The following RANBP10 variants were observed in gnomAD, a reference collection of about 807,000 sequenced individuals.
RANBP10 encodes ran-binding protein 10.
A neutral mutation model predicts 72.8 loss-of-function variants in RANBP10; 24 were observed. That is an observed-to-expected ratio of 0.33 (90% CI 0.24 to 0.46). RANBP10 has a LOEUF of 0.46. RANBP10 is among the 20% of genes least tolerant of loss of function. The pLI, the probability that RANBP10 is intolerant of heterozygous loss-of-function variation, is 1.00. For missense variants in RANBP10, 679 were observed against 817.5 expected (o/e 0.83, Z 2.07); for synonymous variants, 310 against 322.3 (o/e 0.96, Z 0.41).
intron 3 of RANBP10, among the ~76,000 whole-genome samples, chr16:67,767,121 G>A (rs1342569436): frequency 6.6e-6 from 1 of 152,140 alleles, no homozygotes; most frequent in Non-Finnish European, 1.5e-5. Context: ...ATGACCAGTA[G>A]CTGGCTTCAG....
intron 3 of RANBP10, among the ~76,000 whole-genome samples, chr16:67,756,737 C>G (rs2054292344): frequency 1.3e-5 from 2 of 151,990 alleles, no homozygotes; most frequent in African/African-American, 4.8e-5. Context: ...AAAAACACCC[C>G]AAAAAGCTAG....
At chr16:67,744,057 G>A (rs746377690) in intron 4 of RANBP10, 271 of 976,352 alleles carry the variant, frequency 2.8e-4, no homozygotes, top group Non-Finnish European at 3.2e-4. Flanking sequence ...CCAGGATACT[G>A]CTGTACTCTC....
chr16:67,727,503 C>G, intron 12 of RANBP10, 65 bp from the exon 13 acceptor site: 1 of 1,489,178 alleles, frequency 6.7e-7, no homozygotes, highest in South Asian at 1.2e-5. Flanking sequence ...CTACCCGTGG[C>G]TCCAGAGGGA....
chr16:67,791,306 C>T (rs1208487191), intron 2 of RANBP10, among the ~76,000 whole-genome samples: 1 of 152,184 alleles, frequency 6.6e-6, no homozygotes, highest in African/African-American at 2.4e-5. Context: ...AGCCACTATG[C>T]CCGGCCCAGT....
At chr16:67,756,675 G>A (rs902382808) in intron 3 of RANBP10, among the ~76,000 whole-genome samples, 1 of 151,850 alleles carries the variant, frequency 6.6e-6, no homozygotes, top group Non-Finnish European at 1.5e-5. Flanking sequence ...TGCACCCCAG[G>A]CTGGGCGAAA....
chr16:67,795,810 G>A (rs995372836), intron 2 of RANBP10, among the ~76,000 whole-genome samples: 2 of 151,372 alleles, frequency 1.3e-5, no homozygotes, highest in Admixed American at 6.6e-5. Context: ...AGCTGAGATC[G>A]CACCACTGCA....
At position 67,796,372 on chromosome 16, in the gene RANBP10, C is replaced by A. The variant is rs1278434649; in HGVS notation, c.347+9056G>T. ...GAATCAGTTCTACTCAGCAATCCAA[C>A]CCCTCTGTTTCTTTCCTCTTGGTTC... is the stretch of plus-strand genomic sequence containing the variant. On this transcript the variant is annotated intron_variant, in intron 2 of 13. Transcript: ENST00000317506. Among the ~76,000 whole-genome samples the A allele has an allele frequency of 3.3e-5, 5 of 152,154 alleles. 1 individual carries two copies. Among genetic ancestry groups the A allele is most frequent in the Admixed American group, 3.3e-4 (5 of 15,260 alleles).
chr16:67,726,990 T>C (rs1376697321), intron 13 of RANBP10, among the ~76,000 whole-genome samples: 1 of 152,168 alleles, frequency 6.6e-6, no homozygotes, highest in Non-Finnish European at 1.5e-5. Context: ...CTAGCTTCTG[T>C]TTTTGTTAGA....
intron 2 of RANBP10, among the ~76,000 whole-genome samples, chr16:67,789,241 T>G (rs547538624): frequency 6.7e-6 from 1 of 148,926 alleles, no homozygotes; most frequent in South Asian, 2.1e-4. Flanking sequence ...ACCTGGGAGG[T>G]AGAGGTTGCA....
intron 3 of RANBP10, among the ~76,000 whole-genome samples, chr16:67,760,099 CAA>C (rs56244298): frequency 1.1e-4 from 11 of 98,866 alleles, no homozygotes; most frequent in Admixed American, 2.2e-4. Context: ...GACTCCGTCT[CAA>C]AAAAAAAAAA....
chr16:67,797,989 C>CAAAAAAAAAA (rs56801646), intron 2 of RANBP10, among the ~76,000 whole-genome samples: 1 of 43,868 alleles, frequency 2.3e-5, no homozygotes. Flanking sequence ...GACCCTCTCT[C>CAAAAAAAAAA]AAAAAAAAAA....
chr16:67,728,812 G>C (rs1408176904), intron 10 of RANBP10, among the ~76,000 whole-genome samples: 3 of 152,344 alleles, frequency 2.0e-5, no homozygotes, highest in African/African-American at 7.2e-5. Flanking sequence ...CCTAATGACT[G>C]GGCCCCATGG....
At chr16:67,733,114 C>T (rs2053768506) in intron 6 of RANBP10, among the ~76,000 whole-genome samples, 1 of 150,266 alleles carries the variant, frequency 6.7e-6, no homozygotes, top group South Asian at 2.1e-4. Context: ...CCTGTAATCT[C>T]AACACTTTGG....
At chr16:67,756,234 C>T in intron 3 of RANBP10, among the ~76,000 whole-genome samples, 1 of 152,234 alleles carries the variant, frequency 6.6e-6, no homozygotes, top group East Asian at 1.9e-4. Context: ...CTACCATCTG[C>T]CAGGGCAGAT....
chr16:67,778,607 G>A (rs2054754397), intron 2 of RANBP10, among the ~76,000 whole-genome samples: 1 of 152,122 alleles, frequency 6.6e-6, no homozygotes, highest in African/African-American at 2.4e-5. Flanking sequence ...TTCCAGCAAT[G>A]TGGGAGGCTG....
At chr16:67,775,945 A>C (rs553532882) in intron 2 of RANBP10, among the ~76,000 whole-genome samples, 1 of 151,860 alleles carries the variant, frequency 6.6e-6, no homozygotes, top group Non-Finnish European at 1.5e-5. Flanking sequence ...GGAGATCAAG[A>C]CCATCCTGGC....
intron 2 of RANBP10, among the ~76,000 whole-genome samples, chr16:67,802,412 T>C (rs1312539469): frequency 6.6e-6 from 1 of 152,134 alleles, no homozygotes; most frequent in Non-Finnish European, 1.5e-5. Flanking sequence ...CTGACGCAGG[T>C]GAATCACCTG....
intron 2 of RANBP10, among the ~76,000 whole-genome samples, chr16:67,780,584 T>A (rs1410732536): frequency 6.6e-6 from 1 of 151,800 alleles, no homozygotes; most frequent in African/African-American, 2.4e-5. Flanking sequence ...CACCTCTGTC[T>A]CTAAAAAAAA....
At chr16:67,750,438 C>T (rs956933602) in intron 3 of RANBP10, among the ~76,000 whole-genome samples, 51 of 152,210 alleles carry the variant, frequency 3.4e-4, no homozygotes, top group African/African-American at 1.2e-3. Flanking sequence ...GGTCCACTGC[C>T]TGGTGCCTAC....
Sources: allele counts gnomAD v4.1 joint callset (sites outside exome capture counted in the v4.1 genomes callset), GRCh38; gene constraint gnomAD v4.1.1; transcripts MANE v1.5; gene names NCBI Gene and HGNC (gene_info 2026-07-23, HGNC 2026-07-21).